The following TUBB8B variants were observed in gnomAD, a reference collection of about 807,000 sequenced individuals.
TUBB8B encodes HSA18p11 beta-tubulin 4Q pseudogene.
In TUBB8B, 26 loss-of-function variants were observed where a neutral mutation model predicts 31.9. That is an observed-to-expected ratio of 0.81 (90% CI 0.60 to 1.13). TUBB8B has a LOEUF of 1.13. Among genes scored for constraint, TUBB8B ranks in the 50% most tolerant of loss-of-function variants. The probability of loss-of-function intolerance (pLI) is 0.00; values close to 1 mark genes in which losing one functional copy is unlikely to be tolerated. For synonymous variants in TUBB8B, 173 were observed against 231.0 expected (o/e 0.75, Z 2.28); for missense variants, 467 against 586.7 (o/e 0.80, Z 2.11).
the TUBB8B span, among the ~76,000 whole-genome samples, chr18:61,845 A>G: frequency 2.0e-5 from 3 of 151,364 alleles, no homozygotes; most frequent in African/African-American, 7.3e-5. Flanking sequence ...TTATTGGCTT[A>G]TTGTTTACTC....
chr18:69,369 C>T, the TUBB8B span, among the ~76,000 whole-genome samples: 4 of 152,148 alleles, frequency 2.6e-5, 1 homozygote, highest in African/African-American at 4.8e-5. Flanking sequence ...GAGGCTGAAG[C>T]GGGAGGATGG....
At chr18:51,628 C>T (rs368202558), upstream of TUBB8B, among the ~76,000 whole-genome samples, 37 of 151,966 alleles carry the variant, frequency 2.4e-4, no homozygotes, top group African/African-American at 8.2e-4. Flanking sequence ...TTAGTATAGA[C>T]GGAGTTTCAC....
At chr18:63,866 T>G in the TUBB8B span, among the ~76,000 whole-genome samples, 30 of 138,034 alleles carry the variant, frequency 2.2e-4, no homozygotes, top group African/African-American at 8.3e-4. Context: ...CCCTAACCAC[T>G]GACCCCAACC....
chr18:53,230 T>G (rs1241992122), upstream of TUBB8B, among the ~76,000 whole-genome samples: 3 of 151,892 alleles, frequency 2.0e-5, no homozygotes, highest in Non-Finnish European at 4.4e-5. Context: ...AACCATGAGT[T>G]CCTCTAACAC....
the TUBB8B span, among the ~76,000 whole-genome samples, chr18:56,566 T>G: frequency 6.6e-6 from 1 of 151,928 alleles, no homozygotes; most frequent in South Asian, 2.1e-4. Flanking sequence ...CACATTTTGT[T>G]TTATTTGTGG....
chr18:65,308 A>C, the TUBB8B span, among the ~76,000 whole-genome samples: 1 of 152,082 alleles, frequency 6.6e-6, no homozygotes, highest in Admixed American at 6.6e-5. Flanking sequence ...TCTCAAAAAA[A>C]TTTAAAAAAA....
At chr18:52,777 C>T (rs12968513), upstream of TUBB8B, among the ~76,000 whole-genome samples, 2 of 135,054 alleles carry the variant, frequency 1.5e-5, no homozygotes, top group East Asian at 2.1e-4. Context: ...GCAAAGTGAA[C>T]GAAGCAAGTT....
the TUBB8B span, among the ~76,000 whole-genome samples, chr18:72,824 G>A: frequency 2.6e-5 from 4 of 151,980 alleles, no homozygotes; most frequent in Non-Finnish European, 2.9e-5. Flanking sequence ...AAAATTAGCC[G>A]GGCGTGGTGG....
chr18:61,964 T>C, the TUBB8B span, among the ~76,000 whole-genome samples: 2 of 151,868 alleles, frequency 1.3e-5, no homozygotes, highest in African/African-American at 4.8e-5. Context: ...TCTTATTGCT[T>C]ACTCACTTTT....
At chr18:70,054 G>C in the TUBB8B span, among the ~76,000 whole-genome samples, 1 of 152,104 alleles carries the variant, frequency 6.6e-6, no homozygotes, top group Non-Finnish European at 1.5e-5. Context: ...CTACTCAAGA[G>C]GCTGAGGACG....
At chr18:62,436 T>A in the TUBB8B span, among the ~76,000 whole-genome samples, 219 of 151,044 alleles carry the variant, frequency 1.4e-3, 3 homozygotes, top group African/African-American at 5.0e-3. Context: ...TTTTTTTTTT[T>A]TTGACAGAGT....
At chr18:59,953 T>C in the TUBB8B span, among the ~76,000 whole-genome samples, 4 of 151,790 alleles carry the variant, frequency 2.6e-5, no homozygotes, top group African/African-American at 9.7e-5. Context: ...TATTTATGTA[T>C]TGTTTAATTG....
the TUBB8B span, among the ~76,000 whole-genome samples, chr18:63,468 G>A: frequency 2.6e-5 from 4 of 151,214 alleles, no homozygotes; most frequent in Admixed American, 1.3e-4. Flanking sequence ...GCTAAGCCAT[G>A]TGGAGCTGGA....
chr18:50,021 C>A (rs1906011022), upstream of TUBB8B: 4 of 412,476 alleles, frequency 9.7e-6, no homozygotes, highest in Admixed American at 1.1e-4. Flanking sequence ...GTTAACTCAA[C>A]AGGACTTAAT....
At chr18:55,334 C>T in the TUBB8B span, among the ~76,000 whole-genome samples, 6 of 151,776 alleles carry the variant, frequency 4.0e-5, no homozygotes, top group Admixed American at 3.3e-4. Context: ...CTCCTGACCT[C>T]GTGATCCACC....
At chr18:71,569 TAAAAAAAAAAAAAA>T in the TUBB8B span, among the ~76,000 whole-genome samples, 13 of 57,644 alleles carry the variant, frequency 2.3e-4, no homozygotes, top group South Asian at 2.4e-3. Flanking sequence ...AAAAAAAATT[TAAAAAAAAAAAAAA>T]AAAAAAAAAA....
At chr18:63,197 C>T in the TUBB8B span, among the ~76,000 whole-genome samples, 3 of 151,692 alleles carry the variant, frequency 2.0e-5, no homozygotes, top group Non-Finnish European at 4.4e-5. Context: ...TGTAGATGTT[C>T]ATCCATATCT....
Position 48,234 on chromosome 18 carries a change from A to G in TUBB8B, c.491T>C (p.Ile164Thr), listed in dbSNP as rs752087069. Residue 164 changes from isoleucine (I) to threonine (T), a missense_variant, in exon 4 of 4, where the codon ATA becomes ACA. Transcript: ENST00000308911. Reference sequence around the variant, plus strand: ...CGAGGGCAGGATGCTGAATGTGTTTATGATCCTGTCTGGGTACTCCTCCCG... The same window carrying G: ...CGAGGGCAGGATGCTGAATGTGTTTGTGATCCTGTCTGGGTACTCCTCCCG... ...KIREEYPDRI[I>T]NTFSILPSPK... is the part of the protein sequence containing the mutation. 7 of 1,612,052 alleles carry G rather than the reference A, an allele frequency of 4.3e-6. No homozygotes were observed. The highest frequency in any genetic ancestry group is 5.9e-6 in the Non-Finnish European group (7 of 1,178,172).
chr18:54,791 T>G, the TUBB8B span, among the ~76,000 whole-genome samples: 3 of 151,932 alleles, frequency 2.0e-5, no homozygotes, highest in Non-Finnish European at 4.4e-5. Flanking sequence ...TGATGGACAT[T>G]TAGGTTTCTT....
Sources: allele counts gnomAD v4.1 joint callset (sites outside exome capture counted in the v4.1 genomes callset), GRCh38; gene constraint gnomAD v4.1.1; transcripts MANE v1.5; gene names NCBI Gene and HGNC (gene_info 2026-07-23, HGNC 2026-07-21).